The following MAN1A1 variants were observed in gnomAD, a reference collection of about 807,000 sequenced individuals.
The protein encoded by MAN1A1 is mannosidase alpha class 1A member 1.
In MAN1A1, 29 loss-of-function variants were observed where a neutral mutation model predicts 70.8. The observed-to-expected ratio is 0.41, with a 90% CI of 0.31 to 0.56. MAN1A1 has a LOEUF of 0.56. Among genes scored for constraint, MAN1A1 ranks in the 20% least tolerant of loss-of-function variants. The pLI, the probability that MAN1A1 is intolerant of heterozygous loss-of-function variation, is 0.29. For missense variants in MAN1A1, 747 were observed against 841.3 expected (o/e 0.89, Z 1.39); for synonymous variants, 349 against 330.1 (o/e 1.06, Z -0.62).
intron 2 of MAN1A1, among the ~76,000 whole-genome samples, chr6:119,340,618 G>C (rs559470794): frequency 4.6e-5 from 7 of 152,196 alleles, no homozygotes; most frequent in African/African-American, 1.4e-4. Context: ...CAGACAAACA[G>C]GCACCAGCAA....
chr6:119,288,253 A>G (rs182976182), intron 5 of MAN1A1, among the ~76,000 whole-genome samples: 1 of 152,054 alleles, frequency 6.6e-6, no homozygotes, highest in African/African-American at 2.4e-5. Flanking sequence ...TGTTCTTAAA[A>G]TACTCCTGAG....
At chr6:119,347,663 T>C (rs1005524433) in intron 2 of MAN1A1, among the ~76,000 whole-genome samples, 1 of 152,188 alleles carries the variant, frequency 6.6e-6, no homozygotes, top group African/African-American at 2.4e-5. Context: ...ATCTTGAAAA[T>C]GACAGCCTGA....
At chr6:119,287,213 T>C (rs967465565) in intron 5 of MAN1A1, among the ~76,000 whole-genome samples, 2 of 152,124 alleles carry the variant, frequency 1.3e-5, no homozygotes, top group African/African-American at 2.4e-5. Flanking sequence ...CCCAAGGTGA[T>C]AGTACAGCTA....
intron 8 of MAN1A1, among the ~76,000 whole-genome samples, chr6:119,197,943 T>C (rs542147040): frequency 8.7e-4 from 133 of 152,324 alleles, no homozygotes; most frequent in Non-Finnish European, 1.6e-3. Flanking sequence ...TGGCTCCTTC[T>C]GTCCCCCTTC....
At chr6:119,199,903 G>C (rs1773671193) in intron 8 of MAN1A1, among the ~76,000 whole-genome samples, 1 of 151,860 alleles carries the variant, frequency 6.6e-6, no homozygotes, top group Non-Finnish European at 1.5e-5. Flanking sequence ...ACTCCAGCCT[G>C]GGTGACACAG....
intron 5 of MAN1A1, among the ~76,000 whole-genome samples, chr6:119,286,743 A>T (rs1285378186): frequency 6.6e-6 from 1 of 152,164 alleles, no homozygotes; most frequent in Non-Finnish European, 1.5e-5. Flanking sequence ...ATGTACTGGC[A>T]GAATATTTTC....
rs1773044375 is a variant in MAN1A1, at chr6:119,177,777, G to C, written c.*2042C>G. The C allele has an allele frequency of 6.6e-6, 1 of 152,012 alleles. No individual in the cohort carries two copies. Among genetic ancestry groups the C allele is most frequent in the Middle Eastern group, 3.4e-3 (1 of 294 alleles). 9.4% of individuals were successfully genotyped at this position (152,012 alleles called of 1,614,324 possible). On this transcript the variant is annotated 3_prime_UTR_variant, in exon 13 of 13. Coordinates refer to ENST00000368468, the MANE Select transcript of MAN1A1 (RefSeq NM_005907.4). The stretch of plus-strand genomic sequence containing the variant: ...ACAGCTTCTTGTCTATTCACACCAG[G>C]ACACCAAGGTACCTCATAGTGCAGT...
chr6:119,316,139 T>G (rs1227661898), intron 2 of MAN1A1, among the ~76,000 whole-genome samples: 1 of 151,826 alleles, frequency 6.6e-6, no homozygotes, highest in African/African-American at 2.4e-5. Context: ...CTACAGATCT[T>G]TAGTGATCAA....
rs532356823 is a variant in MAN1A1, at chr6:119,298,216, T to C, written c.816+3772A>G. On this transcript the variant is annotated intron_variant, in intron 4 of 12. Transcript: ENST00000368468. ...TTAGGGTTTTCTGCTAATATCTATG[T>C]GCCTCTACAGATACTTGAACTGAAT... is the stretch of plus-strand genomic sequence containing the variant. 1.1e-4 allele frequency among the ~76,000 whole-genome samples: 16 copies of C among 152,334 alleles called. No homozygotes were observed. In the South Asian group the frequency reaches 2.9e-3, roughly 28 times the overall value.
At chr6:119,255,857 G>A (rs111858159) in intron 5 of MAN1A1, among the ~76,000 whole-genome samples, 1 of 151,722 alleles carries the variant, frequency 6.6e-6, no homozygotes, top group East Asian at 1.9e-4. Context: ...ACCTAAAACC[G>A]AAGTTTTAAA....
In MAN1A1 at chr6:119,198,220, T is replaced by A. The variant is rs182221327; in HGVS notation, c.1210+3034A>T. Among the ~76,000 whole-genome samples, 198 of 152,274 alleles carry A rather than the reference T, an allele frequency of 1.3e-3. 1 individual carries two copies. Among genetic ancestry groups the A allele is most frequent in the Non-Finnish European group, 2.1e-3 (146 of 68,022 alleles). Reference sequence around the variant, plus strand: ...CCTGGACAACATGGTGAAACCCCCATCTCTACTAAAAATACAAAAATTAGC... The same window carrying A: ...CCTGGACAACATGGTGAAACCCCCAACTCTACTAAAAATACAAAAATTAGC... On this transcript the variant is annotated intron_variant, in intron 8 of 12. Coordinates refer to ENST00000368468, the MANE Select transcript of MAN1A1 (RefSeq NM_005907.4).
chr6:119,303,992 T>C (rs1772466362), intron 3 of MAN1A1, among the ~76,000 whole-genome samples: 1 of 152,202 alleles, frequency 6.6e-6, no homozygotes, highest in African/African-American at 2.4e-5. Flanking sequence ...GATCCTGCAC[T>C]CAGGAGCACA....
chr6:119,229,092 T>C (rs1731503316), intron 6 of MAN1A1, among the ~76,000 whole-genome samples: 4 of 152,130 alleles, frequency 2.6e-5, no homozygotes, highest in Admixed American at 1.3e-4. Context: ...TTACCTCAAA[T>C]TATTTTCAAA....
chr6:119,292,586 A>C (rs1582775284), intron 4 of MAN1A1, among the ~76,000 whole-genome samples: 1 of 152,026 alleles, frequency 6.6e-6, no homozygotes, highest in African/African-American at 2.4e-5. Flanking sequence ...TCTCTGTAAA[A>C]AGGTTTAAGA....
intron 5 of MAN1A1, among the ~76,000 whole-genome samples, chr6:119,254,624 T>A (rs1344340463): frequency 6.6e-6 from 1 of 152,200 alleles, no homozygotes; most frequent in Non-Finnish European, 1.5e-5. Context: ...TCATAAAATG[T>A]AATCCTTGCT....
chr6:119,266,165 C>T (rs6569060), intron 5 of MAN1A1, among the ~76,000 whole-genome samples: 72,590 of 151,980 alleles, frequency 0.48, 17,782 homozygotes, highest in East Asian at 0.77. Context: ...AATACCAAGA[C>T]GTCAGTTCTT....
intron 6 of MAN1A1, among the ~76,000 whole-genome samples, chr6:119,242,407 G>A (rs1253005895): frequency 1.3e-5 from 2 of 152,064 alleles, no homozygotes; most frequent in East Asian, 3.9e-4. Flanking sequence ...ACCACATTGA[G>A]ACATTCTCTC....
intron 6 of MAN1A1, among the ~76,000 whole-genome samples, chr6:119,238,577 C>A (rs1008993600): frequency 7.9e-5 from 12 of 152,058 alleles, no homozygotes; most frequent in Non-Finnish European, 7.4e-5. Context: ...ATTAATTTGT[C>A]ACAATTAAGT....
At chr6:119,190,083 GAA>G (rs1189612094) in intron 9 of MAN1A1, among the ~76,000 whole-genome samples, 200 bp from the exon 10 acceptor site, 3 of 152,152 alleles carry the variant, frequency 2.0e-5, no homozygotes, top group Admixed American at 2.0e-4. Flanking sequence ...TGATTAGTCA[GAA>G]TTAACACTGC....
Sources: allele counts gnomAD v4.1 joint callset (sites outside exome capture counted in the v4.1 genomes callset), GRCh38; gene constraint gnomAD v4.1.1; transcripts MANE v1.5; gene names NCBI Gene and HGNC (gene_info 2026-07-23, HGNC 2026-07-21).